The following DDR1 variants were observed in gnomAD, a reference collection of about 807,000 sequenced individuals.
DDR1 encodes the protein discoidin domain receptor tyrosine kinase 1, also known as epithelial discoidin domain-containing receptor 1.
Under a neutral mutation model 97.4 loss-of-function variants are expected in DDR1, and 64 were observed. The ratio of observed to expected loss-of-function variants is 0.66; its 90% CI spans 0.54 to 0.81. The LOEUF (loss-of-function observed/expected upper bound fraction) is 0.81. Among genes scored for constraint, DDR1 ranks in the 30% least tolerant of loss-of-function variants. DDR1 has a pLI of 0.00. For synonymous variants in DDR1, 458 were observed against 503.7 expected, an observed-to-expected ratio of 0.91 and a Z score of 1.21; for missense variants, 990 against 1,259.6, an observed-to-expected ratio of 0.79 and a Z score of 3.24.
chr6:30,898,068 C>T lies in DDR1; in HGVS notation c.2217-5C>T. ...CCAGTGACCTTCTGTCGGTTCCCTTCTCAGCTACCCAATGCTGCTGCATGT... is the reference window on the plus strand; with the variant it reads ...CCAGTGACCTTCTGTCGGTTCCCTTTTCAGCTACCCAATGCTGCTGCATGT... On this transcript the variant is annotated splice_polypyrimidine_tract_variant and splice_region_variant and intron_variant, in intron 15 of 17. Transcript: ENST00000376568. 1 of 1,611,710 alleles carries T rather than the reference C, an allele frequency of 6.2e-7. No individual in the cohort carries two copies. The highest frequency in any genetic ancestry group is 8.5e-7 in the Non-Finnish European group (1 of 1,177,786).
chr6:30,884,946 A>G lies in DDR1; in HGVS notation c.-43+236A>G. Reference sequence around the variant, plus strand: ...CCGTGACCTCCCAGAAAGAGTTTTGAGCCTCCAGCCTTGAGGCAAGTCCCC... The same window carrying G: ...CCGTGACCTCCCAGAAAGAGTTTTGGGCCTCCAGCCTTGAGGCAAGTCCCC... On this transcript the variant is annotated intron_variant, in intron 1 of 17. Coordinates refer to ENST00000376568, the MANE Select transcript of DDR1 (RefSeq NM_001297654.2). This position sits in a 1 kb window ranked among gnomAD's most constrained non-coding sequence, Gnocchi z 6.1. 1 of 447,146 alleles carries G rather than the reference A, an allele frequency of 2.2e-6. No homozygotes were observed. The highest frequency in any genetic ancestry group is 3.2e-5 in the East Asian group (1 of 31,402). 27.7% of individuals were successfully genotyped at this position (447,146 alleles called of 1,614,324 possible).
chr6:30,892,884 T>C (rs1582065638), intron 8 of DDR1, 184 bp from the exon 9 acceptor site: 1 of 617,532 alleles, frequency 1.6e-6, no homozygotes, highest in East Asian at 2.8e-5. Context: ...CCAGCAACTA[T>C]AGGGTTAACA....
Position 30,891,562 on chromosome 6 carries a change from T to TGTGTGTGTGA in DDR1, c.665+92_665+93insAGTGTGTGTG. ...GTGTGTGTGTGTGTGTGTGTGAGAG[T>TGTGTGTGTGA]GTGTGTGTGTAGGGGGGCTGGTAAG... On this transcript the variant is annotated intron_variant, in intron 6 of 17. Transcript: ENST00000376568. This position sits in a 1 kb window ranked among gnomAD's most constrained non-coding sequence, Gnocchi z 5.3. 1.4e-6 allele frequency: 1 copy of TGTGTGTGTGA among 691,714 alleles called. No individual in the cohort carries two copies. Among genetic ancestry groups the TGTGTGTGTGA allele is most frequent in the South Asian group, 2.0e-5 (1 of 50,428 alleles). 42.8% of individuals were successfully genotyped at this position (691,714 alleles called of 1,614,324 possible). A position where few individuals can be genotyped will look rare whatever the true frequency, so the allele number is the denominator to read the frequency against.
chr6:30,899,239 A>G lies in DDR1; in HGVS notation c.2685A>G (p.Arg895=). 1.2e-6 allele frequency: 2 copies of G among 1,614,110 alleles called. No individual in the cohort carries two copies. Among genetic ancestry groups the G allele is most frequent in the Non-Finnish European group, 1.7e-6 (2 of 1,179,992 alleles). Reference sequence around the variant, plus strand: ...GCTGGAGCCGGGAGTCTGAGCAGCGACCACCCTTTTCCCAGCTGCATCGGT... The same window carrying G: ...GCTGGAGCCGGGAGTCTGAGCAGCGGCCACCCTTTTCCCAGCTGCATCGGT... ...LRCWSRESEQ[R]PPFSQLHRFL... The change falls in exon 18 of 18, where the codon CGA becomes CGG. Residue 895 remains arginine, a synonymous_variant. Transcript: ENST00000376568.
chr6:30,885,263 A>G (rs1377397270), intron 1 of DDR1: 2 of 1,531,392 alleles, frequency 1.3e-6, no homozygotes, highest in African/African-American at 1.4e-5. Flanking sequence ...CCACCCCCCC[A>G]TGCCTGGCTC....
rs1191399587 is a variant in DDR1, at chr6:30,897,095, CT to C, written c.1952del (p.Leu651ArgfsTer2). 1 of 1,613,790 alleles carries C rather than the reference CT, an allele frequency of 6.2e-7. No individual in the cohort carries two copies. Among genetic ancestry groups the C allele is most frequent in the Non-Finnish European group, 8.5e-7 (1 of 1,179,982 alleles). ...PLNVRKGHPL[L>X]VAVKILRPDA... The stretch of plus-strand genomic sequence containing the variant: ...TAATGTGCGTAAGGGACACCCTTTG[CT>C]GGTAGCTGTCAAGATCTTACGGCCA... On this transcript the variant is annotated frameshift_variant, in exon 14 of 18. Transcript: ENST00000376568. LOFTEE classifies it high-confidence loss of function. The surrounding 1 kb of genome is among the most constrained non-coding windows in gnomAD (Gnocchi z 5.2).
chr6:30,890,768 C>G lies in DDR1; in HGVS notation c.418-205C>G. 1.9e-6 allele frequency: 1 copy of G among 520,060 alleles called. No individual in the cohort carries two copies. Among genetic ancestry groups the G allele is most frequent in the Non-Finnish European group, 3.3e-6 (1 of 302,366 alleles). The allele number at this position is 520,060 out of a possible 1,614,324, so 32.2% of individuals were successfully genotyped here. ...AGCCTGAAGTCTGAGGATGGAACAT[C>G]AGAGCTGCGACAGAGCCAGAGGTCT... On this transcript the variant is annotated intron_variant, in intron 4 of 17. Coordinates refer to ENST00000376568, the MANE Select transcript of DDR1 (RefSeq NM_001297654.2). The surrounding 1 kb of genome is among the most constrained non-coding windows in gnomAD (Gnocchi z 5.0).
rs150168130 is a variant in DDR1, at chr6:30,895,482, C to T, written c.1592C>T (p.Thr531Ile). ...ARPPRGPGPP[T>I]PAWAKPTNTQ... Reference sequence around the variant, plus strand: ...CCCCCTCGAGGCCCGGGCCCCCCCACACCCGCCTGGGCCAAACCCACCAAC... The same window carrying T: ...CCCCCTCGAGGCCCGGGCCCCCCCATACCCGCCTGGGCCAAACCCACCAAC... Residue 531 changes from threonine to isoleucine, a missense_variant, in exon 12 of 18, where the codon ACA becomes ATA. Physicochemically the swap from Thr to Ile is moderately conservative, Grantham distance 89. Transcript: ENST00000376568. 2.9e-5 allele frequency: 47 copies of T among 1,604,614 alleles called. No individual in the cohort carries two copies. In the Admixed American group the frequency reaches 4.9e-4, roughly 17 times the overall value.
At chr6:30,887,370 C>T (rs895445395) in intron 1 of DDR1, among the ~76,000 whole-genome samples, 1 of 152,210 alleles carries the variant, frequency 6.6e-6, no homozygotes, top group East Asian at 1.9e-4. Context: ...ATAGTACAAT[C>T]AACCTGTCTT....
At position 30,889,444 on chromosome 6, in the gene DDR1, G is replaced by GATAC; in HGVS notation, c.417+14_417+15insATAC. ...TGGGGTCAGGAGGTGAGACTGGCAGGGGCAGCACCCAGAGGAGGTTGGCTC... is the reference window on the plus strand; with the variant it reads ...TGGGGTCAGGAGGTGAGACTGGCAGGATACGGCAGCACCCAGAGGAGGTTGGCTC... On this transcript the variant is annotated intron_variant, in intron 4 of 17. Transcript: ENST00000376568. The surrounding 1 kb of genome is among the most constrained non-coding windows in gnomAD (Gnocchi z 4.9). 3 of 1,498,128 alleles carry GATAC rather than the reference G, an allele frequency of 2.0e-6. No homozygotes were observed. Among genetic ancestry groups the GATAC allele is most frequent in the African/African-American group, 1.4e-5 (1 of 72,100 alleles). 92.8% of individuals were successfully genotyped at this position (1,498,128 alleles called of 1,614,324 possible). A position where few individuals can be genotyped will look rare whatever the true frequency, so the allele number is the denominator to read the frequency against.
rs761058536 is a variant in DDR1 at position 30,899,310 on chromosome 6, C to G, written c.*14C>G. ...AACACGGTGTGAATCACACATCCAG[C>G]TGCCCCTCCCTCAGGGAGCGATCCA... On this transcript the variant is annotated 3_prime_UTR_variant, in exon 18 of 18. Coordinates refer to ENST00000376568, the MANE Select transcript of DDR1 (RefSeq NM_001297654.2). The G allele has an allele frequency of 1.1e-5, 17 of 1,598,322 alleles. No individual in the cohort carries two copies. Among genetic ancestry groups the G allele is most frequent in the African/African-American group, 1.3e-5 (1 of 74,682 alleles).
Position 30,895,451 on chromosome 6 carries a change from G to A in DDR1, c.1561G>A (p.Ala521Thr), listed in dbSNP as rs775970782. The change falls in exon 12 of 18, where the codon GCC becomes ACC. Residue 521 changes from alanine (A) to threonine (T), a missense_variant. Transcript: ENST00000376568. ...PAYRLLLATY[A>T]RPPRGPGPPT... ...CTACCGCCTCCTTCTGGCCACTTAC[G>A]CCCGTCCCCCTCGAGGCCCGGGCCC... The A allele has an allele frequency of 1.3e-5, 21 of 1,608,740 alleles. No individual in the cohort carries two copies. In the Admixed American group the frequency reaches 1.3e-4, roughly 10 times the overall value.
Position 30,896,766 on chromosome 6 carries a change from A to G in DDR1, c.1770A>G (p.Ala590=). Residue 590 remains alanine (A), a synonymous_variant, in exon 13 of 18, where the codon GCA becomes GCG. Coordinates refer to ENST00000376568, the MANE Select transcript of DDR1 (RefSeq NM_001297654.2). ...VTGGNTYAVP[A]LPPGAVGDGP... is the part of the protein sequence containing the mutation. Reference sequence around the variant, plus strand: ...GGGGCAACACCTATGCTGTGCCTGCACTGCCCCCAGGGGCAGTCGGGGATG... The same window carrying G: ...GGGGCAACACCTATGCTGTGCCTGCGCTGCCCCCAGGGGCAGTCGGGGATG... The G allele has an allele frequency of 6.3e-7, 1 of 1,588,484 alleles. No homozygotes were observed. Among genetic ancestry groups the G allele is most frequent in the Non-Finnish European group, 8.6e-7 (1 of 1,165,984 alleles).
In DDR1 at chr6:30,898,841, G is replaced by A. The variant is rs2301755; in HGVS notation, c.2452-47G>A. 693 of 1,574,792 alleles carry A rather than the reference G, an allele frequency of 4.4e-4. 15 individuals carry two copies. The East Asian group carries it at 0.015, about 34-fold the overall frequency. ...CCAATAGGAAGGGAGGAGGGTCTACGTTGCCTGATGTCCCTGTCTGTTTTT... is the reference window on the plus strand; with the variant it reads ...CCAATAGGAAGGGAGGAGGGTCTACATTGCCTGATGTCCCTGTCTGTTTTT... On this transcript the variant is annotated intron_variant, in intron 16 of 17. Coordinates refer to ENST00000376568, the MANE Select transcript of DDR1 (RefSeq NM_001297654.2).
chr6:30,897,067 C>A lies in DDR1; in HGVS notation c.1923C>A (p.Pro641=). The part of the protein sequence containing the change: ...SPQDLVSLDF[P]LNVRKGHPLL... ...AAGATCTGGTTAGTCTTGATTTCCC[C>A]CTTAATGTGCGTAAGGGACACCCTT... The change falls in exon 14 of 18, where the codon CCC becomes CCA. Residue 641 remains proline, a synonymous_variant. Transcript: ENST00000376568. This position sits in a 1 kb window ranked among gnomAD's most constrained non-coding sequence, Gnocchi z 5.2. 1.2e-6 allele frequency: 2 copies of A among 1,613,932 alleles called. No homozygotes were observed. The highest frequency in any genetic ancestry group is 1.7e-6 in the Non-Finnish European group (2 of 1,179,940).
Position 30,889,444 on chromosome 6 carries a change from G to A in DDR1, c.417+14G>A. The A allele has an allele frequency of 6.7e-7, 1 of 1,498,152 alleles. No individual in the cohort carries two copies. 92.8% of individuals were successfully genotyped at this position (1,498,152 alleles called of 1,614,324 possible). ...TGGGGTCAGGAGGTGAGACTGGCAG[G>A]GGCAGCACCCAGAGGAGGTTGGCTC... On this transcript the variant is annotated intron_variant, in intron 4 of 17. Transcript: ENST00000376568. This position sits in a 1 kb window ranked among gnomAD's most constrained non-coding sequence, Gnocchi z 4.9.
rs139724741 is a variant in DDR1 at position 30,896,664 on chromosome 6, G to A, written c.1668G>A (p.Pro556=). The A allele has an allele frequency of 8.7e-6, 14 of 1,613,286 alleles. No homozygotes were observed. Among genetic ancestry groups the A allele is most frequent in the East Asian group, 4.5e-5 (2 of 44,824 alleles). ...DYMEPEKPGA[P]LLPPPPQNSV... Reference sequence around the variant, plus strand: ...TGGAGCCTGAGAAGCCAGGCGCCCCGCTTCTGCCCCCACCTCCCCAGAACA... The same window carrying A: ...TGGAGCCTGAGAAGCCAGGCGCCCCACTTCTGCCCCCACCTCCCCAGAACA... Residue 556 remains proline (P), a synonymous_variant, in exon 13 of 18, where the codon CCG becomes CCA. Transcript: ENST00000376568.
intron 1 of DDR1, chr6:30,885,768 G>GT (rs1562365628): frequency 7.7e-7 from 1 of 1,292,296 alleles, no homozygotes. Flanking sequence ...TGAGAGGTGG[G>GT]TGTGTGCATG....
Position 30,898,276 on chromosome 6 carries a change from TC to T in DDR1, c.2422del (p.Arg808AlafsTer24). 6.2e-7 allele frequency: 1 copy of T among 1,614,026 alleles called. No homozygotes were observed. The highest frequency in any genetic ancestry group is 8.5e-7 in the Non-Finnish European group (1 of 1,179,904). On this transcript the variant is annotated frameshift_variant, in exon 16 of 18. Coordinates refer to ENST00000376568, the MANE Select transcript of DDR1 (RefSeq NM_001297654.2). LOFTEE classifies it high-confidence loss of function. ...GTGCAGGGCCGGGCAGTGCTGCCCA[TC>T]CGCTGGATGGCCTGGGAGTGCATCC... is the stretch of plus-strand genomic sequence containing the variant. ...YRVQGRAVLP[I>X]RWMAWECILM...
Sources: gnomAD v4.1 joint callset for allele counts (sites outside exome capture counted in the v4.1 genomes callset) on GRCh38, gnomAD v4.1.1 for gene constraint, Gnocchi (gnomAD v3.1) non-coding constraint, MANE v1.5 for transcripts, NCBI Gene and HGNC (gene_info 2026-07-23, HGNC 2026-07-21) for gene names.